ZNF136: variants seen among roughly 807,000 people sequenced by gnomAD.
ZNF136 encodes zinc finger protein 136 (clone pHZ-20).
Under a neutral mutation model 11.4 loss-of-function variants are expected in ZNF136, and 8 were observed. The ratio of observed to expected loss-of-function variants is 0.70; its 90% CI spans 0.41 to 1.27. ZNF136 has a LOEUF of 1.27. Among genes scored for constraint, ZNF136 ranks in the 50% most tolerant of loss-of-function variants. ZNF136 has a pLI of 0.01. For missense variants in ZNF136, 590 were observed against 656.5 expected (o/e 0.90, Z 1.11); for synonymous variants, 190 against 207.1 (o/e 0.92, Z 0.71).
At position 12,188,538 on chromosome 19, in the gene ZNF136, T is replaced by A. The variant is rs1042101628; in HGVS notation, c.*537T>A. 6.6e-6 allele frequency: 1 copy of A among 152,302 alleles called. No individual in the cohort carries two copies. Among genetic ancestry groups the A allele is most frequent in the Non-Finnish European group, 1.5e-5 (1 of 68,086 alleles). The allele number at this position is 152,302 out of a possible 1,614,324, so 9.4% of individuals were successfully genotyped here. A position where few individuals can be genotyped will look rare whatever the true frequency, so the allele number is the denominator to read the frequency against. On this transcript the variant is annotated 3_prime_UTR_variant, in exon 4 of 4. Transcript: ENST00000343979. ...CTACAAGGAAGGTTTTCCATTATAC[T>A]TTTAAAGTCATTTGAGGGCTCTGGC...
In ZNF136 at chr19:12,185,880, G is replaced by A; in HGVS notation, c.99G>A (p.Met33Ile). The A allele has an allele frequency of 6.2e-7, 1 of 1,613,826 alleles. No homozygotes were observed. The highest frequency in any genetic ancestry group is 8.5e-7 in the Non-Finnish European group (1 of 1,179,950). The change falls in exon 2 of 4, where the codon ATG (methionine) becomes ATA (isoleucine). Residue 33 changes from methionine (M) to isoleucine (I), a missense_variant. Transcript: ENST00000343979. ...PSQKNLYRDV[M>I]WETMRNLASI... ...AGAAGAATCTCTACAGAGATGTGAT[G>A]TGGGAAACCATGAGGAATCTGGCCT...
At chr19:12,185,555 A>T in intron 1 of ZNF136, 1 of 466,540 alleles carries the variant, frequency 2.1e-6, no homozygotes. Context: ...AGCACGTATT[A>T]CTCCTTGCAA....
rs142072349 is a variant in ZNF136, at chr19:12,179,990, C to T, written c.4-5795C>T. Among the ~76,000 whole-genome samples the T allele has an allele frequency of 2.3e-3, 349 of 152,048 alleles. 7 individuals are homozygous for T. In the East Asian group the frequency reaches 0.049, roughly 21 times the overall value. ...ACACCATTCTCCTGCCTCAGCCTCC[C>T]GAGTAGCTGGGACTACAGGTGCCCG... On this transcript the variant is annotated intron_variant, in intron 1 of 3. Coordinates refer to ENST00000343979, the MANE Select transcript of ZNF136 (RefSeq NM_003437.5).
chr19:12,163,184 G>A lies in ZNF136; in HGVS notation c.-20G>A. The A allele has an allele frequency of 7.1e-7, 1 of 1,402,990 alleles. No individual in the cohort carries two copies. Among genetic ancestry groups the A allele is most frequent in the Non-Finnish European group, 9.3e-7 (1 of 1,071,716 alleles). 86.9% of individuals were successfully genotyped at this position (1,402,990 alleles called of 1,614,324 possible). A position where few individuals can be genotyped will look rare whatever the true frequency, so the allele number is the denominator to read the frequency against. On this transcript the variant is annotated 5_prime_UTR_variant, in exon 1 of 4. Coordinates refer to ENST00000343979, the MANE Select transcript of ZNF136 (RefSeq NM_003437.5). ...CTTGGGATCCGGAGGGAGGAAGCTG[G>A]GACACCCGGGAGTCAGGAAATGGTG... is the stretch of plus-strand genomic sequence containing the variant.
chr19:12,184,577 A>G (rs1405452401), intron 1 of ZNF136: 4 of 151,244 alleles, frequency 2.6e-5, no homozygotes. Context: ...AAAAAAAGGT[A>G]AAAAATCCTT....
At chr19:12,181,482 T>G (rs1188389855) in intron 1 of ZNF136, among the ~76,000 whole-genome samples, 4 of 151,608 alleles carry the variant, frequency 2.6e-5, no homozygotes, top group East Asian at 3.9e-4. Flanking sequence ...TGTTTTTGTT[T>G]TTTTTTTTTT....
chr19:12,180,024 C>T (rs997471410), intron 1 of ZNF136, among the ~76,000 whole-genome samples: 2 of 152,076 alleles, frequency 1.3e-5, no homozygotes, highest in African/African-American at 4.8e-5. Context: ...CGCCACCACA[C>T]CCGGCTAATT....
At chr19:12,176,415 C>T (rs1433405721) in intron 1 of ZNF136, among the ~76,000 whole-genome samples, 3 of 152,024 alleles carry the variant, frequency 2.0e-5, no homozygotes, top group Non-Finnish European at 4.4e-5. Context: ...CAACCTCTGC[C>T]TCCTTGATTC....
intron 1 of ZNF136, among the ~76,000 whole-genome samples, chr19:12,175,814 C>T (rs1722575003): frequency 6.6e-6 from 1 of 152,174 alleles, no homozygotes; most frequent in South Asian, 2.1e-4. Context: ...ATCCCTCTCC[C>T]CCTGACTTCT....
In ZNF136 at chr19:12,187,832, T is replaced by C; in HGVS notation, c.1454T>C (p.Phe485Ser). 1 of 1,604,460 alleles carries C rather than the reference T, an allele frequency of 6.2e-7. No homozygotes were observed. Among genetic ancestry groups the C allele is most frequent in the East Asian group, 2.2e-5 (1 of 44,842 alleles). ...GAATGTAAGCGATGTGGTAAAGCCTTTAGATCTTCTAGTTCCTTTCGACTA... is the reference window on the plus strand; with the variant it reads ...GAATGTAAGCGATGTGGTAAAGCCTCTAGATCTTCTAGTTCCTTTCGACTA... ...PFECKRCGKA[F>S]RSSSSFRLHE... The change falls in exon 4 of 4, where the codon TTT becomes TCT. Residue 485 changes from phenylalanine to serine, a missense_variant. By Grantham distance (155) the Phe-to-Ser change is radical. Transcript: ENST00000343979.
At chr19:12,176,356 C>T (rs1036594559) in intron 1 of ZNF136, among the ~76,000 whole-genome samples, 3 of 151,202 alleles carry the variant, frequency 2.0e-5, no homozygotes, top group South Asian at 4.2e-4. Flanking sequence ...GATGGAGTTT[C>T]GCTCTTGTTG....
chr19:12,167,322 A>C (rs925263847), intron 1 of ZNF136, among the ~76,000 whole-genome samples: 1 of 152,232 alleles, frequency 6.6e-6, no homozygotes, highest in Non-Finnish European at 1.5e-5. Flanking sequence ...CAAATCTTTG[A>C]TGGTCTGTGT....
At position 12,187,399 on chromosome 19, in the gene ZNF136, T is replaced by C. The variant is rs1328862356; in HGVS notation, c.1021T>C (p.Cys341Arg). Residue 341 changes from cysteine to arginine, a missense_variant, in exon 4 of 4, where the codon TGT (cysteine) becomes CGT (arginine). By Grantham distance (180) the Cys-to-Arg change is radical (BLOSUM62 -3). Transcript: ENST00000343979. ...TGAGAAACCCTTCGTATGTAAACAA[T>C]GTGGTAAAGCCTTTAGATCTGCCAG... ...TGEKPFVCKQ[C>R]GKAFRSASTF... 1.2e-6 allele frequency: 2 copies of C among 1,613,906 alleles called. No individual in the cohort carries two copies. The highest frequency in any genetic ancestry group is 1.1e-5 in the South Asian group (1 of 91,076).
chr19:12,189,467 C>T lies in ZNF136; in HGVS notation c.*1466C>T, dbSNP rs1162634079. The T allele has an allele frequency of 6.6e-6, 1 of 152,108 alleles. No homozygotes were observed. The highest frequency in any genetic ancestry group is 2.4e-5 in the African/African-American group (1 of 41,404). The allele number at this position is 152,108 out of a possible 1,614,324, so 9.4% of individuals were successfully genotyped here. A position where few individuals can be genotyped will look rare whatever the true frequency, so the allele number is the denominator to read the frequency against. On this transcript the variant is annotated 3_prime_UTR_variant, in exon 4 of 4. Coordinates refer to ENST00000343979, the MANE Select transcript of ZNF136 (RefSeq NM_003437.5). Reference sequence around the variant, plus strand: ...GCCTTCTGGGTTCAAGTGATTCTCCCACCTTAGCCTCCTAGGAAGCTGGGA... The same window carrying T: ...GCCTTCTGGGTTCAAGTGATTCTCCTACCTTAGCCTCCTAGGAAGCTGGGA...
Position 12,187,018 on chromosome 19 carries a change from C to T in ZNF136, c.640C>T (p.His214Tyr). 1.2e-6 allele frequency: 2 copies of T among 1,614,092 alleles called. No individual in the cohort carries two copies. Among genetic ancestry groups the T allele is most frequent in the Non-Finnish European group, 1.7e-6 (2 of 1,179,996 alleles). Residue 214 changes from histidine (H) to tyrosine (Y), a missense_variant, in exon 4 of 4, where the codon CAT (histidine) becomes TAT (tyrosine). Transcript: ENST00000343979. ...AFDYPSRFRT[H>Y]ERSHTGEKPY... ...TGATTATCCCAGTAGATTTCGAACA[C>T]ATGAAAGAAGTCACACTGGAGAGAA...
At chr19:12,168,472 T>A (rs1914547336) in intron 1 of ZNF136, among the ~76,000 whole-genome samples, 1 of 152,030 alleles carries the variant, frequency 6.6e-6, no homozygotes. Context: ...AGCTTCCTGG[T>A]TGGTGAACGC....
intron 1 of ZNF136, among the ~76,000 whole-genome samples, chr19:12,179,851 A>G (rs1396577518): frequency 2.0e-5 from 3 of 152,158 alleles, no homozygotes; most frequent in East Asian, 3.8e-4. Flanking sequence ...GTTGAAATAT[A>G]TAAATTCTAA....
chr19:12,163,972 C>G (rs886702043), intron 1 of ZNF136, among the ~76,000 whole-genome samples: 1 of 152,086 alleles, frequency 6.6e-6, no homozygotes, highest in African/African-American at 2.4e-5. Context: ...GCGCCCCCTC[C>G]TATTTATTTT....
intron 1 of ZNF136, among the ~76,000 whole-genome samples, chr19:12,181,991 C>T (rs1471437262): frequency 2.6e-5 from 4 of 151,924 alleles, no homozygotes; most frequent in African/African-American, 4.8e-5. Context: ...AGGCTGGTCT[C>T]GAACTCCTGA....
Sources: allele counts gnomAD v4.1 joint callset (sites outside exome capture counted in the v4.1 genomes callset), GRCh38; gene constraint gnomAD v4.1.1; transcripts MANE v1.5; gene names NCBI Gene and HGNC (gene_info 2026-07-23, HGNC 2026-07-21).